The following WWP2 variants were observed in gnomAD, a reference collection of about 807,000 sequenced individuals.
WWP2 encodes the protein WW domain containing E3 ubiquitin protein ligase 2.
WWP2 carries 57 observed loss-of-function variants against 121.0 expected under a neutral mutation model. The ratio of observed to expected loss-of-function variants is 0.47; its 90% CI spans 0.38 to 0.59. The LOEUF (loss-of-function observed/expected upper bound fraction) is 0.59, where lower values mean the gene tolerates loss of function less well. Among genes scored for constraint, WWP2 ranks in the 20% least tolerant of loss-of-function variants. The pLI is 0.00. For synonymous variants in WWP2, 449 were observed against 441.3 expected (o/e 1.02, Z -0.22); for missense variants, 962 against 1,158.9 (o/e 0.83, Z 2.47).
At chr16:69,831,434 C>A (rs543593032) in intron 4 of WWP2, among the ~76,000 whole-genome samples, 9 of 152,262 alleles carry the variant, frequency 5.9e-5, no homozygotes, top group African/African-American at 2.2e-4. Flanking sequence ...CATGGTCTGG[C>A]AGTTACAGTT....
intron 9 of WWP2, among the ~76,000 whole-genome samples, chr16:69,917,388 A>G (rs904809): frequency 0.65 from 98,737 of 152,132 alleles, 32,737 homozygotes; most frequent in East Asian, 0.96. Flanking sequence ...ATTTGCTAGC[A>G]GATGTCCTGA....
intron 4 of WWP2, among the ~76,000 whole-genome samples, chr16:69,830,347 C>G (rs1597016749): frequency 1.3e-5 from 2 of 152,172 alleles, no homozygotes; most frequent in East Asian, 3.8e-4. Flanking sequence ...CCTCGGCCTC[C>G]CAAAGTGTTG....
intron 2 of WWP2, among the ~76,000 whole-genome samples, chr16:69,793,685 A>G (rs1448273116): frequency 1.3e-5 from 2 of 152,056 alleles, no homozygotes; most frequent in Admixed American, 1.3e-4. Context: ...AAAAAATCTC[A>G]AAAGACCAAC....
In WWP2 at chr16:69,934,146, G is replaced by A; in HGVS notation, c.1842+17G>A. On this transcript the variant is annotated intron_variant, in intron 17 of 23. Coordinates refer to ENST00000359154, the MANE Select transcript of WWP2 (RefSeq NM_001270454.2). ...ATCGCCATGGTAAGGGGGCCCCAGG[G>A]GTCTGCCTAGTTCCCTCCTCCTCTC... 6.2e-7 allele frequency: 1 copy of A among 1,613,886 alleles called. No homozygotes were observed. Among genetic ancestry groups the A allele is most frequent in the South Asian group, 1.1e-5 (1 of 91,068 alleles).
chr16:69,822,777 T>C (rs959278031), intron 4 of WWP2, among the ~76,000 whole-genome samples: 14 of 152,096 alleles, frequency 9.2e-5, no homozygotes, highest in African/African-American at 3.4e-4. Context: ...ATCAGTGCTG[T>C]CCAATAGAAA....
chr16:69,777,560 C>G (rs1363810284), intron 1 of WWP2, among the ~76,000 whole-genome samples: 1 of 151,820 alleles, frequency 6.6e-6, no homozygotes, highest in Non-Finnish European at 1.5e-5. Flanking sequence ...CTCAGCCTCC[C>G]AAAGTGTTGG....
chr16:69,918,028 A>G, intron 10 of WWP2, 145 bp downstream of exon 10: 1 of 1,085,294 alleles, frequency 9.2e-7, no homozygotes, highest in Non-Finnish European at 1.3e-6. Context: ...GATTTTACTC[A>G]TCACAGTGAA....
At chr16:69,930,480 C>T (rs1315176156) in intron 13 of WWP2, among the ~76,000 whole-genome samples, 1 of 152,054 alleles carries the variant, frequency 6.6e-6, no homozygotes, top group Non-Finnish European at 1.5e-5. Flanking sequence ...CGTGTCTCCA[C>T]AACAATAAAA....
chr16:69,912,756 T>C (rs1301598685), intron 9 of WWP2, among the ~76,000 whole-genome samples: 3 of 149,864 alleles, frequency 2.0e-5, no homozygotes, highest in African/African-American at 7.4e-5. Context: ...TAAATGCGAA[T>C]GAACACAGCT....
Position 69,851,994 on chromosome 16 carries a change from A to AAAACG in WWP2, c.575+9878_575+9879insGAAAC, listed in dbSNP as rs1410700855. Among the ~76,000 whole-genome samples, 789 of 152,160 alleles carry AAAACG rather than the reference A, an allele frequency of 5.2e-3. 7 individuals are homozygous for AAAACG. Among genetic ancestry groups the AAAACG allele is most frequent in the African/African-American group, 0.018 (756 of 41,510 alleles). On this transcript the variant is annotated intron_variant, in intron 6 of 23. Transcript: ENST00000359154. ...AGCGAGATTCCAGCTAAAACAAAAC[A>AAAACG]AAACAAAACAAAACAAAGTTTTTAA...
At chr16:69,899,124 A>G (rs984107874) in intron 8 of WWP2, among the ~76,000 whole-genome samples, 3 of 152,210 alleles carry the variant, frequency 2.0e-5, no homozygotes, top group African/African-American at 4.8e-5. Flanking sequence ...TTTATTGTAC[A>G]AGAGTTAATA....
At chr16:69,914,521 G>A (rs941147776) in intron 9 of WWP2, among the ~76,000 whole-genome samples, 1 of 152,166 alleles carries the variant, frequency 6.6e-6, no homozygotes, top group Non-Finnish European at 1.5e-5. Context: ...ACTTTGGGGG[G>A]CCAAGGCAGG....
intron 7 of WWP2, among the ~76,000 whole-genome samples, chr16:69,887,594 CG>C (rs2057947878): frequency 6.6e-6 from 1 of 152,008 alleles, no homozygotes; most frequent in Non-Finnish European, 1.5e-5. Context: ...TTAGCAGAGA[CG>C]GGGTTTTGCC....
At chr16:69,887,498 C>T (rs191269642) in intron 7 of WWP2, among the ~76,000 whole-genome samples, 5 of 152,210 alleles carry the variant, frequency 3.3e-5, no homozygotes, top group East Asian at 1.9e-4. Context: ...CTCTGCCTCC[C>T]GGGTTCAAGC....
At chr16:69,808,893 T>C (rs2056334289) in intron 4 of WWP2, among the ~76,000 whole-genome samples, 1 of 152,230 alleles carries the variant, frequency 6.6e-6, no homozygotes, top group South Asian at 2.1e-4. Flanking sequence ...TATGTACAGA[T>C]CTAGGAGCTT....
chr16:69,920,626 A>G (rs1374112235), intron 10 of WWP2, among the ~76,000 whole-genome samples: 2 of 152,032 alleles, frequency 1.3e-5, no homozygotes, highest in Admixed American at 1.3e-4. Context: ...TCTCATTAAA[A>G]AAAAAAAATG....
At chr16:69,917,908 A>C in intron 10 of WWP2, 25 bp downstream of exon 10, 2 of 1,598,284 alleles carry the variant, frequency 1.3e-6, no homozygotes, top group Non-Finnish European at 1.7e-6. Flanking sequence ...GCTTGGCCCG[A>C]GGTGGGGCCG....
At chr16:69,775,637 G>A (rs1162069135) in intron 1 of WWP2, among the ~76,000 whole-genome samples, 2 of 152,108 alleles carry the variant, frequency 1.3e-5, no homozygotes, top group South Asian at 2.1e-4. Context: ...TCTAAAATCT[G>A]TCCTATCTGA....
chr16:69,924,378 T>C (rs976770450), intron 10 of WWP2, among the ~76,000 whole-genome samples: 1 of 152,108 alleles, frequency 6.6e-6, no homozygotes, highest in African/African-American at 2.4e-5. Context: ...CATTTAGAAC[T>C]TGATCCCCTC....
Sources: gnomAD v4.1 joint callset for allele counts (sites outside exome capture counted in the v4.1 genomes callset) on GRCh38, gnomAD v4.1.1 for gene constraint, MANE v1.5 for transcripts, NCBI Gene and HGNC (gene_info 2026-07-23, HGNC 2026-07-21) for gene names.